Variants in SWAP70 observed in about 807,000 individuals in gnomAD.
The protein encoded by SWAP70 is switch-associated protein 70.
A neutral mutation model predicts 80.2 loss-of-function variants in SWAP70; 34 were observed. The ratio of observed to expected loss-of-function variants is 0.42; its 90% confidence interval spans 0.32 to 0.56. The LOEUF (loss-of-function observed/expected upper bound fraction) is 0.56. Among genes scored for constraint, SWAP70 ranks in the 20% least tolerant of loss-of-function variants. The pLI is 0.09. For missense variants in SWAP70, 578 were observed against 690.7 expected (o/e 0.84, Z 1.83); for synonymous variants, 239 against 238.5 (o/e 1.00, Z -0.02).
chr11:9,696,967 T>C (rs981294715), intron 2 of SWAP70, among the ~76,000 whole-genome samples: 4 of 152,154 alleles, frequency 2.6e-5, no homozygotes, highest in African/African-American at 9.7e-5. Context: ...ATACCAGCAT[T>C]TTGGGATGCT....
intron 1 of SWAP70, among the ~76,000 whole-genome samples, chr11:9,671,604 A>C (rs868624215): frequency 1.2e-3 from 64 of 51,208 alleles, no homozygotes; most frequent in Non-Finnish European, 1.7e-3. Flanking sequence ...AAATATATTT[A>C]TATAGAAATA....
rs1850481243 is a variant in SWAP70, at chr11:9,675,373, GAGAGA to G, written c.99+11096_99+11100del. Among the ~76,000 whole-genome samples, 38 of 56,582 alleles carry G rather than the reference GAGAGA, an allele frequency of 6.7e-4. 1 individual carries two copies. Among genetic ancestry groups the G allele is most frequent in the Non-Finnish European group, 1.1e-3 (26 of 23,392 alleles). 37.1% of individuals were successfully genotyped at this position (56,582 alleles called of 152,430 possible). A position where few individuals can be genotyped will look rare whatever the true frequency, so the allele number is the denominator to read the frequency against. On this transcript the variant is annotated intron_variant, in intron 1 of 11. Coordinates refer to ENST00000318950, the MANE Select transcript of SWAP70 (RefSeq NM_015055.4). The stretch of plus-strand genomic sequence containing the variant: ...AGAGAGAGAGAGAGAGAGAGAGAGA[GAGAGA>G]GAGAGAGAGAGAGAGAGAGAGAGAG...
chr11:9,705,396 T>C (rs546759625), intron 2 of SWAP70, among the ~76,000 whole-genome samples: 1 of 142,750 alleles, frequency 7.0e-6, no homozygotes, highest in South Asian at 2.3e-4. Context: ...GTGATCTGTA[T>C]ACACTGGTGA....
intron 1 of SWAP70, among the ~76,000 whole-genome samples, chr11:9,678,397 G>A (rs909808633): frequency 2.6e-5 from 4 of 150,994 alleles, no homozygotes; most frequent in African/African-American, 7.3e-5. Flanking sequence ...TCTTAAAATA[G>A]GATAATGAAT....
intron 1 of SWAP70, among the ~76,000 whole-genome samples, chr11:9,691,098 TA>T (rs778139431): frequency 6.6e-5 from 10 of 152,226 alleles, no homozygotes; most frequent in East Asian, 1.9e-4. Flanking sequence ...TTGTACTTTC[TA>T]TAGAGATGGG....
chr11:9,724,852 C>A lies in SWAP70; in HGVS notation c.609C>A (p.Val203=). 1.9e-6 allele frequency: 3 copies of A among 1,612,264 alleles called. No homozygotes were observed. The highest frequency in any genetic ancestry group is 2.5e-6 in the Non-Finnish European group (3 of 1,178,544). The change falls in exon 4 of 12, where the codon GTC becomes GTA. Residue 203 remains valine (V), a synonymous_variant. Transcript: ENST00000318950. The stretch of plus-strand genomic sequence containing the variant: ...CTGTGTCTATGGCAATTAATGAAGT[C>A]TTTAATGAACTTATATTAGATGTGT... ...RQTVSMAINE[V]FNELILDVLK...
chr11:9,695,629 G>A (rs1850746813), intron 2 of SWAP70, among the ~76,000 whole-genome samples: 1 of 150,902 alleles, frequency 6.6e-6, no homozygotes, highest in Admixed American at 6.6e-5. Context: ...GGGGGTTGGG[G>A]GATGAGGGGA....
intron 2 of SWAP70, among the ~76,000 whole-genome samples, chr11:9,711,048 A>T (rs1850991610): frequency 6.6e-6 from 1 of 150,750 alleles, no homozygotes; most frequent in African/African-American, 2.4e-5. Flanking sequence ...ATATTTATTT[A>T]TGTATTTTTT....
In SWAP70 at chr11:9,675,366, A is replaced by G. The variant is rs1045419653; in HGVS notation, c.99+11088A>G. Among the ~76,000 whole-genome samples, 72 of 31,666 alleles carry G rather than the reference A, an allele frequency of 2.3e-3. 21 individuals carry two copies. The highest frequency in any genetic ancestry group is 2.4e-3 in the Non-Finnish European group (32 of 13,344). The allele number at this position is 31,666 out of a possible 152,430, so 20.8% of individuals were successfully genotyped here. A position where few individuals can be genotyped will look rare whatever the true frequency, so the allele number is the denominator to read the frequency against. ...GGGAGCGAGAGAGAGAGAGAGAGAGAGAGAGAGAGAGAGAGAGAGAGAGAG... is the reference window on the plus strand; with the variant it reads ...GGGAGCGAGAGAGAGAGAGAGAGAGGGAGAGAGAGAGAGAGAGAGAGAGAG... On this transcript the variant is annotated intron_variant, in intron 1 of 11. Transcript: ENST00000318950.
In SWAP70 at chr11:9,750,045, A is replaced by G. The variant is rs1851565551; in HGVS notation, c.*75A>G. 1 of 1,123,884 alleles carries G rather than the reference A, an allele frequency of 8.9e-7. No individual in the cohort carries two copies. 69.6% of individuals were successfully genotyped at this position (1,123,884 alleles called of 1,614,324 possible). On this transcript the variant is annotated 3_prime_UTR_variant, in exon 12 of 12. Coordinates refer to ENST00000318950, the MANE Select transcript of SWAP70 (RefSeq NM_015055.4). ...GAGCTTTACGCTAAAGACAAAAGAA[A>G]CAGCTTTGGGGGCCGGGCGTGGTGG...
chr11:9,679,826 G>A (rs749164575), intron 1 of SWAP70, among the ~76,000 whole-genome samples: 3 of 151,940 alleles, frequency 2.0e-5, no homozygotes, highest in South Asian at 2.1e-4. Context: ...CCGCCACCAC[G>A]CCTGGCAAAT....
chr11:9,709,898 A>C (rs929139932), intron 2 of SWAP70, among the ~76,000 whole-genome samples: 2 of 152,240 alleles, frequency 1.3e-5, no homozygotes, highest in African/African-American at 4.8e-5. Flanking sequence ...TTAATGTAAA[A>C]TGTATTATGT....
intron 2 of SWAP70, among the ~76,000 whole-genome samples, chr11:9,711,576 A>G (rs185067860): frequency 8.4e-4 from 128 of 152,330 alleles, no homozygotes; most frequent in Admixed American, 2.7e-3. Context: ...ACCCAGGCTC[A>G]GCCAGTAGAA....
rs59264750 is a variant in SWAP70, at chr11:9,724,903, GT to G, written c.642+27del. On this transcript the variant is annotated intron_variant, in intron 4 of 11. Coordinates refer to ENST00000318950, the MANE Select transcript of SWAP70 (RefSeq NM_015055.4). ...TAAAGCAGGTAAGAATTCTGTTACT[GT>G]TTTTTTTTCTCATCTTTAGAATTTG... is the stretch of plus-strand genomic sequence containing the variant. The G allele has an allele frequency of 1.3e-3, 1,828 of 1,422,668 alleles. 15 individuals carry two copies. In the African/African-American group the frequency reaches 0.022, roughly 18 times the overall value. 88.1% of individuals were successfully genotyped at this position (1,422,668 alleles called of 1,614,324 possible). A position where few individuals can be genotyped will look rare whatever the true frequency, so the allele number is the denominator to read the frequency against.
In SWAP70 at chr11:9,674,956, G is replaced by A. The variant is rs112943975; in HGVS notation, c.99+10678G>A. Among the ~76,000 whole-genome samples the A allele has an allele frequency of 7.8e-3, 1,164 of 149,074 alleles. 16 individuals carry two copies. Among genetic ancestry groups the A allele is most frequent in the African/African-American group, 0.027 (1,079 of 40,390 alleles). ...TGCCCTCCAGCCTGGGCGACAGAGC[G>A]AGACTCCGTCTCAAAAAAAAAAAAA... On this transcript the variant is annotated intron_variant, in intron 1 of 11. Coordinates refer to ENST00000318950, the MANE Select transcript of SWAP70 (RefSeq NM_015055.4).
At chr11:9,692,051 T>G (rs1850703390) in intron 1 of SWAP70, among the ~76,000 whole-genome samples, 1 of 152,126 alleles carries the variant, frequency 6.6e-6, no homozygotes, top group Admixed American at 6.5e-5. Flanking sequence ...TTTTCTGAAC[T>G]CATTTATTGC....
At chr11:9,695,472 G>C (rs1423754069) in intron 2 of SWAP70, among the ~76,000 whole-genome samples, 24 of 152,090 alleles carry the variant, frequency 1.6e-4, no homozygotes, top group Admixed American at 1.6e-3. Flanking sequence ...CCTTTGCAGG[G>C]ACATGGATGA....
chr11:9,675,152 G>T (rs1366103820), intron 1 of SWAP70, among the ~76,000 whole-genome samples: 1 of 151,878 alleles, frequency 6.6e-6, no homozygotes, highest in Non-Finnish European at 1.5e-5. Context: ...GAGAGGTATG[G>T]TGGCACACGC....
intron 8 of SWAP70, among the ~76,000 whole-genome samples, chr11:9,739,318 T>A (rs1291361494): frequency 6.6e-6 from 1 of 152,218 alleles, no homozygotes; most frequent in Non-Finnish European, 1.5e-5. Context: ...TTTTTGTTAT[T>A]TAGAGTTGAA....
Sources: allele counts gnomAD v4.1 joint callset (sites outside exome capture counted in the v4.1 genomes callset), GRCh38; gene constraint gnomAD v4.1.1; transcripts MANE v1.5; gene names NCBI Gene and HGNC (gene_info 2026-07-23, HGNC 2026-07-21).